The following EPHA6 variants were observed in gnomAD, a reference collection of about 807,000 sequenced individuals.
EPHA6 encodes the protein EPH receptor A6.
A neutral mutation model predicts 112.0 loss-of-function variants in EPHA6; 50 were observed. The ratio of observed to expected loss-of-function variants is 0.45; its 90% CI spans 0.36 to 0.56. The LOEUF is 0.56. EPHA6 is among the 20% of genes least tolerant of loss of function. The pLI is 0.00. For synonymous variants in EPHA6, 529 were observed against 490.7 expected (o/e 1.08, Z -1.03); for missense variants, 1,280 against 1,417.4 (o/e 0.90, Z 1.56).
chr3:96,955,264 A>T (rs2041712587), intron 2 of EPHA6, among the ~76,000 whole-genome samples: 1 of 152,094 alleles, frequency 6.6e-6, no homozygotes, highest in African/African-American at 2.4e-5. Context: ...GACACATCAC[A>T]TGTGTCTTTA....
chr3:97,392,467 T>C (rs1187285532), intron 5 of EPHA6, among the ~76,000 whole-genome samples: 1 of 151,620 alleles, frequency 6.6e-6, no homozygotes, highest in East Asian at 1.9e-4. Flanking sequence ...GCATCACATA[T>C]AGGATTTGGG....
chr3:97,002,468 A>G (rs1168983902), intron 3 of EPHA6, among the ~76,000 whole-genome samples: 2 of 149,590 alleles, frequency 1.3e-5, no homozygotes, highest in Non-Finnish European at 3.0e-5. Context: ...TTTTCTATTT[A>G]TCTATCATGA....
At chr3:97,040,421 A>G (rs1289314901) in intron 3 of EPHA6, among the ~76,000 whole-genome samples, 2 of 152,040 alleles carry the variant, frequency 1.3e-5, no homozygotes, top group Non-Finnish European at 2.9e-5. Context: ...ATTTCATATC[A>G]AAATCGGTTT....
intron 11 of EPHA6, among the ~76,000 whole-genome samples, chr3:97,571,182 T>C (rs1404070432): frequency 1.3e-5 from 2 of 152,104 alleles, no homozygotes; most frequent in Non-Finnish European, 2.9e-5. Flanking sequence ...TAATATCACT[T>C]GTTAAAAAAT....
chr3:96,816,611 T>G (rs917362523), intron 1 of EPHA6, among the ~76,000 whole-genome samples: 1 of 152,068 alleles, frequency 6.6e-6, no homozygotes. Flanking sequence ...ACTTTGAGAG[T>G]CAAGTGTACT....
At chr3:97,061,319 A>G (rs1300523450) in intron 3 of EPHA6, among the ~76,000 whole-genome samples, 2 of 152,188 alleles carry the variant, frequency 1.3e-5, no homozygotes, top group South Asian at 2.1e-4. Context: ...ACAGAGGTAC[A>G]TACGGGGAAA....
chr3:97,370,780 A>G (rs1378044805), intron 5 of EPHA6, among the ~76,000 whole-genome samples: 4 of 152,306 alleles, frequency 2.6e-5, no homozygotes, highest in Admixed American at 1.3e-4. Context: ...TTTGACTTAT[A>G]TCTTTAAAAC....
intron 3 of EPHA6, among the ~76,000 whole-genome samples, chr3:97,093,676 A>G (rs964874053): frequency 6.6e-6 from 1 of 152,212 alleles, no homozygotes; most frequent in African/African-American, 2.4e-5. Context: ...AATATATGGT[A>G]ACATGCTATA....
intron 1 of EPHA6, among the ~76,000 whole-genome samples, chr3:96,846,585 G>A (rs1422005844): frequency 6.6e-6 from 1 of 152,002 alleles, no homozygotes; most frequent in Non-Finnish European, 1.5e-5. Flanking sequence ...AAGTAATTTT[G>A]TATATTTGAT....
At chr3:97,687,269 C>A (rs763141336) in intron 14 of EPHA6, among the ~76,000 whole-genome samples, 1 of 152,054 alleles carries the variant, frequency 6.6e-6, no homozygotes, top group African/African-American at 2.4e-5. Flanking sequence ...ACAAAGATAA[C>A]ATTTGTGCTA....
intron 2 of EPHA6, among the ~76,000 whole-genome samples, chr3:96,904,398 A>T (rs535345258): frequency 3.6e-4 from 51 of 140,846 alleles, no homozygotes; most frequent in African/African-American, 1.1e-3. Context: ...ATAGGTGGGA[A>T]TTGAACAATG....
intron 2 of EPHA6, among the ~76,000 whole-genome samples, chr3:96,869,658 A>G (rs1056876542): frequency 6.6e-6 from 1 of 152,086 alleles, no homozygotes; most frequent in African/African-American, 2.4e-5. Context: ...TCTCTGCATC[A>G]GTAAGTTAAC....
intron 5 of EPHA6, among the ~76,000 whole-genome samples, chr3:97,282,584 C>T (rs1006092466): frequency 6.6e-6 from 1 of 152,058 alleles, no homozygotes; most frequent in South Asian, 2.1e-4. Flanking sequence ...ATGGAATCAA[C>T]CCAAACACCC....
intron 3 of EPHA6, among the ~76,000 whole-genome samples, chr3:97,156,002 C>T (rs1456228087): frequency 1.3e-5 from 2 of 152,150 alleles, no homozygotes; most frequent in Non-Finnish European, 2.9e-5. Context: ...GAATAATCTC[C>T]CTATATTAAG....
intron 8 of EPHA6, among the ~76,000 whole-genome samples, chr3:97,477,187 C>A (rs922773373): frequency 2.0e-5 from 3 of 152,108 alleles, no homozygotes; most frequent in Non-Finnish European, 2.9e-5. Flanking sequence ...TTTGGAATCT[C>A]TAAACCAATT....
At chr3:97,455,591 T>C (rs1480137822) in intron 7 of EPHA6, among the ~76,000 whole-genome samples, 6 of 152,074 alleles carry the variant, frequency 3.9e-5, no homozygotes, top group East Asian at 1.9e-4. Flanking sequence ...TAATTACTTA[T>C]ATTTTGCCTT....
intron 2 of EPHA6, among the ~76,000 whole-genome samples, chr3:96,905,373 A>G (rs1382035834): frequency 6.6e-6 from 1 of 151,982 alleles, no homozygotes; most frequent in Non-Finnish European, 1.5e-5. Flanking sequence ...TAATTTTAAT[A>G]TTCAGAATTA....
At chr3:97,685,671 G>A (rs373272017) in intron 14 of EPHA6, among the ~76,000 whole-genome samples, 4 of 152,130 alleles carry the variant, frequency 2.6e-5, no homozygotes, top group Non-Finnish European at 5.9e-5. Flanking sequence ...ATATTTTGTC[G>A]ACCAACACAA....
chr3:97,596,097 G>T (rs2093588113), intron 12 of EPHA6, among the ~76,000 whole-genome samples: 1 of 151,642 alleles, frequency 6.6e-6, no homozygotes, highest in South Asian at 2.1e-4. Context: ...AGTAGAGGCG[G>T]GGTTTCACTG....
Sources: gnomAD v4.1 joint callset for allele counts (sites outside exome capture counted in the v4.1 genomes callset) on GRCh38, gnomAD v4.1.1 for gene constraint, MANE v1.5 for transcripts, NCBI Gene and HGNC (gene_info 2026-07-23, HGNC 2026-07-21) for gene names.